The following IPCEF1 variants were observed in gnomAD, a reference collection of about 807,000 sequenced individuals.
The protein encoded by IPCEF1 is interactor protein for cytohesin exchange factors 1.
A neutral mutation model predicts 50.9 loss-of-function variants in IPCEF1; 31 were observed. The observed-to-expected ratio is 0.61, with a 90% CI of 0.46 to 0.82. The LOEUF is 0.82. IPCEF1 is among the 40% of genes least tolerant of loss of function. IPCEF1 has a pLI of 0.00. For synonymous variants in IPCEF1, 181 were observed against 192.0 expected (o/e 0.94, Z 0.47); for missense variants, 458 against 514.0 (o/e 0.89, Z 1.05).
At chr6:154,245,310 GA>G (rs1780940682) in intron 5 of IPCEF1, among the ~76,000 whole-genome samples, 1 of 151,884 alleles carries the variant, frequency 6.6e-6, no homozygotes, top group Non-Finnish European at 1.5e-5. Context: ...TATTTTTATG[GA>G]ACCCAAAGAG....
At chr6:154,250,328 TATC>T (rs1781306435) in intron 3 of IPCEF1, among the ~76,000 whole-genome samples, 1 of 152,162 alleles carries the variant, frequency 6.6e-6, no homozygotes, top group Non-Finnish European at 1.5e-5. Context: ...TATAACTTGC[TATC>T]ATCATAAATA....
chr6:154,296,311 G>C (rs555036539), intron 1 of IPCEF1, among the ~76,000 whole-genome samples: 1 of 152,212 alleles, frequency 6.6e-6, no homozygotes, highest in African/African-American at 2.4e-5. Flanking sequence ...AGAAGACAAG[G>C]GAGTGTGAAA....
chr6:154,237,972 T>C (rs1193464711), intron 5 of IPCEF1, among the ~76,000 whole-genome samples: 10 of 152,218 alleles, frequency 6.6e-5, no homozygotes, highest in South Asian at 4.1e-4. Context: ...CTGTTAACGA[T>C]TTTAAACGAT....
At chr6:154,278,821 C>G (rs1034843999) in intron 2 of IPCEF1, among the ~76,000 whole-genome samples, 5 of 151,634 alleles carry the variant, frequency 3.3e-5, no homozygotes, top group African/African-American at 1.2e-4. Context: ...TTAATAATTA[C>G]AATTAAAAAG....
At chr6:154,197,671 T>A (rs1265991206) in intron 10 of IPCEF1, among the ~76,000 whole-genome samples, 1 of 152,206 alleles carries the variant, frequency 6.6e-6, no homozygotes, top group Non-Finnish European at 1.5e-5. Flanking sequence ...AATCCTGGAA[T>A]GGCATTTAGC....
At chr6:154,204,883 C>G (rs1777362742) in intron 9 of IPCEF1, among the ~76,000 whole-genome samples, 1 of 152,196 alleles carries the variant, frequency 6.6e-6, no homozygotes. Context: ...ACATGAACCC[C>G]TAAGGACTCC....
chr6:154,289,510 C>T (rs1433082893), intron 2 of IPCEF1, among the ~76,000 whole-genome samples: 2 of 151,704 alleles, frequency 1.3e-5, no homozygotes, highest in East Asian at 1.9e-4. Context: ...AATTCTCCCA[C>T]TGAAAAATAA....
chr6:154,335,313 A>G (rs1464872358), intron 1 of IPCEF1, among the ~76,000 whole-genome samples: 1 of 152,084 alleles, frequency 6.6e-6, no homozygotes, highest in African/African-American at 2.4e-5. Context: ...TTGCCACATA[A>G]TATGTTTTGC....
intron 1 of IPCEF1, among the ~76,000 whole-genome samples, chr6:154,319,619 G>A (rs546073706): frequency 6.6e-6 from 1 of 152,268 alleles, no homozygotes; most frequent in Non-Finnish European, 1.5e-5. Context: ...CAAAGCATGT[G>A]TCATGTCTTA....
intron 1 of IPCEF1, among the ~76,000 whole-genome samples, chr6:154,317,548 C>CAAAAAAAAAAA (rs71021041): frequency 6.1e-5 from 1 of 16,314 alleles, no homozygotes; most frequent in Non-Finnish European, 9.6e-5. Flanking sequence ...GACTCCATCT[C>CAAAAAAAAAAA]AAAAAAAAAA....
At chr6:154,334,462 G>T (rs1783746535) in intron 1 of IPCEF1, among the ~76,000 whole-genome samples, 1 of 141,578 alleles carries the variant, frequency 7.1e-6, no homozygotes, top group African/African-American at 2.5e-5. Flanking sequence ...TAACTATAAG[G>T]CATCAAAGGC....
At chr6:154,172,489 C>T (rs528800893) in intron 10 of IPCEF1, among the ~76,000 whole-genome samples, 1 of 152,354 alleles carries the variant, frequency 6.6e-6, no homozygotes, top group Non-Finnish European at 1.5e-5. Flanking sequence ...GAGATTCCCT[C>T]CCATGCCTGG....
At chr6:154,210,047 G>A (rs1197287854) in intron 9 of IPCEF1, among the ~76,000 whole-genome samples, 1 of 152,094 alleles carries the variant, frequency 6.6e-6, no homozygotes, top group African/African-American at 2.4e-5. Context: ...AGTATTCCCT[G>A]AACTTCTATT....
chr6:154,229,665 T>C (rs1779571757), intron 5 of IPCEF1, among the ~76,000 whole-genome samples: 1 of 152,100 alleles, frequency 6.6e-6, no homozygotes, highest in African/African-American at 2.4e-5. Flanking sequence ...AGTTTGTCAG[T>C]TTCTAAAAAA....
intron 5 of IPCEF1, among the ~76,000 whole-genome samples, chr6:154,237,795 T>C (rs947042797): frequency 6.6e-6 from 1 of 152,190 alleles, no homozygotes; most frequent in East Asian, 1.9e-4. Context: ...CACACACATA[T>C]ACATATGTAT....
intron 9 of IPCEF1, among the ~76,000 whole-genome samples, chr6:154,211,608 G>A (rs1333721541): frequency 3.3e-5 from 5 of 151,832 alleles, no homozygotes; most frequent in Non-Finnish European, 5.9e-5. Flanking sequence ...AAACCAGTGG[G>A]AAAAAAAGGC....
chr6:154,348,137 C>T (rs183896670), intron 1 of IPCEF1, among the ~76,000 whole-genome samples: 2 of 152,258 alleles, frequency 1.3e-5, no homozygotes, highest in South Asian at 2.1e-4. Flanking sequence ...CTCAAGGCAA[C>T]TAATTTGTAC....
In IPCEF1 at chr6:154,333,490, C is replaced by T. The variant is rs1329839510; in HGVS notation, c.-62+23182G>A. Among the ~76,000 whole-genome samples, 3 of 151,866 alleles carry T rather than the reference C, an allele frequency of 2.0e-5. No homozygotes were observed. The East Asian group carries it at 5.8e-4, about 29-fold the overall frequency. On this transcript the variant is annotated intron_variant, in intron 1 of 11. Transcript: ENST00000367220. ...ACTGGCTCTCCTAGCTCCTCAGCTT[C>T]AGACAGCCTATTGTGGGACCTTGTG...
intron 2 of IPCEF1, among the ~76,000 whole-genome samples, chr6:154,269,057 C>T (rs1431290145): frequency 1.3e-5 from 2 of 152,190 alleles, no homozygotes; most frequent in African/African-American, 4.8e-5. Context: ...CTGAAGGCAG[C>T]CACTGTGTCT....
Sources: gnomAD v4.1 joint callset for allele counts (sites outside exome capture counted in the v4.1 genomes callset) on GRCh38, gnomAD v4.1.1 for gene constraint, MANE v1.5 for transcripts, NCBI Gene and HGNC (gene_info 2026-07-23, HGNC 2026-07-21) for gene names.